Variants in CYP19A1 observed in about 807,000 individuals in gnomAD.
CYP19A1 encodes cytochrome P450 family 19 subfamily A member 1.
Under a neutral mutation model 44.4 loss-of-function variants are expected in CYP19A1, and 32 were observed. The observed-to-expected ratio is 0.72, with a 90% CI of 0.54 to 0.97. The LOEUF is 0.97. CYP19A1 is among the 50% of genes least tolerant of loss of function. CYP19A1 has a pLI of 0.00. For synonymous variants in CYP19A1, 212 were observed against 215.6 expected, an observed-to-expected ratio of 0.98 and a Z score of 0.14; for missense variants, 598 against 637.8, an observed-to-expected ratio of 0.94 and a Z score of 0.67.
At chr15:51,254,648 C>T (rs925766223) in intron 1 of CYP19A1, among the ~76,000 whole-genome samples, 4 of 152,156 alleles carry the variant, frequency 2.6e-5, no homozygotes, top group South Asian at 2.1e-4. Context: ...GATTGACTCT[C>T]TCAATCCAGT....
At chr15:51,250,478 A>G (rs2034263726) in intron 1 of CYP19A1, among the ~76,000 whole-genome samples, 1 of 152,188 alleles carries the variant, frequency 6.6e-6, no homozygotes, top group African/African-American at 2.4e-5. Flanking sequence ...TGCCTGTCTG[A>G]TGGTGCTTCT....
At chr15:51,277,539 G>A (rs1167019319) in intron 1 of CYP19A1, among the ~76,000 whole-genome samples, 1 of 152,100 alleles carries the variant, frequency 6.6e-6, no homozygotes, top group Non-Finnish European at 1.5e-5. Flanking sequence ...AATTGACATT[G>A]GATTAAAAAG....
chr15:51,298,888 G>A (rs1485940894), intron 1 of CYP19A1, among the ~76,000 whole-genome samples: 1 of 151,768 alleles, frequency 6.6e-6, no homozygotes, highest in Non-Finnish European at 1.5e-5. Context: ...TGGGATCACT[G>A]CTTTTCCTTA....
chr15:51,320,038 G>A (rs909989513), intron 1 of CYP19A1, among the ~76,000 whole-genome samples: 17 of 152,214 alleles, frequency 1.1e-4, no homozygotes, highest in African/African-American at 3.6e-4. Flanking sequence ...AACACTAGGA[G>A]ATAGATATCA....
At chr15:51,296,301 G>A (rs1024150973) in intron 1 of CYP19A1, among the ~76,000 whole-genome samples, 6 of 152,144 alleles carry the variant, frequency 3.9e-5, no homozygotes, top group South Asian at 2.1e-4. Context: ...AGACCTGAGG[G>A]AAAGAGAAAG....
chr15:51,250,231 T>C (rs1705246801), intron 1 of CYP19A1, among the ~76,000 whole-genome samples: 1 of 152,214 alleles, frequency 6.6e-6, no homozygotes, highest in Admixed American at 6.5e-5. Context: ...CACATGTGTG[T>C]GAAGACCCAA....
Position 51,234,710 on chromosome 15 carries a change from C to T in CYP19A1, c.296+2149G>A, listed in dbSNP as rs115077585. 5.6e-3 allele frequency among the ~76,000 whole-genome samples: 859 copies of T among 152,252 alleles called. 13 individuals carry two copies. Among genetic ancestry groups the T allele is most frequent in the African/African-American group, 0.02 (819 of 41,544 alleles). The stretch of plus-strand genomic sequence containing the variant: ...GGGAGAGGCCCTCCTGCCCCATGAG[C>T]TTCCTCCTCCACCCTCTCTCTAGAT... On this transcript the variant is annotated intron_variant, in intron 3 of 9. Coordinates refer to ENST00000396402, the MANE Select transcript of CYP19A1 (RefSeq NM_000103.4).
chr15:51,313,650 A>G (rs1232401704), intron 1 of CYP19A1, among the ~76,000 whole-genome samples: 1 of 152,164 alleles, frequency 6.6e-6, no homozygotes, highest in Non-Finnish European at 1.5e-5. Flanking sequence ...TACAAAAATT[A>G]GCTGGGCATG....
chr15:51,242,767 C>T lies in CYP19A1; in HGVS notation c.145+1G>A. ...GATACAGAAATAAATGACTGACTTA[C>T]CTGGTATTGAGGATGTGCCCTCATA... On this transcript the variant is annotated splice_donor_variant, in intron 2 of 9. Transcript: ENST00000396402. LOFTEE classifies it high-confidence loss of function. 1.3e-6 allele frequency: 2 copies of T among 1,533,134 alleles called. No individual in the cohort carries two copies. Among genetic ancestry groups the T allele is most frequent in the Non-Finnish European group, 1.8e-6 (2 of 1,106,282 alleles). The allele number at this position is 1,533,134 out of a possible 1,614,324, so 95.0% of individuals were successfully genotyped here.
intron 4 of CYP19A1, among the ~76,000 whole-genome samples, chr15:51,222,864 G>C (rs1215148425): frequency 6.6e-6 from 1 of 152,092 alleles, no homozygotes; most frequent in African/African-American, 2.4e-5. Flanking sequence ...TCACAAATCA[G>C]TGATTTTTTC....
intron 1 of CYP19A1, among the ~76,000 whole-genome samples, chr15:51,271,378 T>C (rs930553745): frequency 3.3e-5 from 5 of 152,216 alleles, no homozygotes; most frequent in Non-Finnish European, 5.9e-5. Context: ...AAATTTCTAA[T>C]AGTTTAGCAT....
intron 1 of CYP19A1, among the ~76,000 whole-genome samples, chr15:51,319,892 A>C (rs902178339): frequency 3.3e-5 from 5 of 152,212 alleles, no homozygotes; most frequent in Non-Finnish European, 5.9e-5. Flanking sequence ...CTTGTCTGCC[A>C]ATGGAAATTA....
intron 1 of CYP19A1, among the ~76,000 whole-genome samples, chr15:51,282,302 A>C (rs547214652): frequency 1.3e-5 from 2 of 152,340 alleles, no homozygotes; most frequent in South Asian, 4.1e-4. Flanking sequence ...GTCTGACATA[A>C]TGTCCAGGGC....
intron 1 of CYP19A1, among the ~76,000 whole-genome samples, chr15:51,280,616 A>G (rs2035486761): frequency 6.6e-6 from 1 of 152,220 alleles, no homozygotes; most frequent in Non-Finnish European, 1.5e-5. Context: ...GTTCTCATCT[A>G]CATGGGTGGA....
At chr15:51,256,695 C>T (rs947835514) in intron 1 of CYP19A1, among the ~76,000 whole-genome samples, 2 of 152,208 alleles carry the variant, frequency 1.3e-5, no homozygotes, top group Non-Finnish European at 2.9e-5. Context: ...ACCTGCCTCC[C>T]AAGGTTGCTG....
chr15:51,249,996 C>T (rs11636667), intron 1 of CYP19A1, among the ~76,000 whole-genome samples: 56,644 of 152,054 alleles, frequency 0.37, 12,497 homozygotes, highest in Non-Finnish European at 0.5. Flanking sequence ...TAGGAACCAA[C>T]AGGAAAAATG....
In CYP19A1 at chr15:51,294,660, G is replaced by A. The variant is rs375706719; in HGVS notation, c.-39+43835C>T. ...GGGTCAGCCCCCCGCCCGGCCAGCC[G>A]CCCCGTCCGGGAGGGAGGTGGGGGG... On this transcript the variant is annotated intron_variant, in intron 1 of 9. Coordinates refer to ENST00000396402, the MANE Select transcript of CYP19A1 (RefSeq NM_000103.4). Among the ~76,000 whole-genome samples the A allele has an allele frequency of 1.7e-3, 155 of 89,864 alleles. 4 individuals carry two copies. Among genetic ancestry groups the A allele is most frequent in the African/African-American group, 8.1e-3 (82 of 10,168 alleles). The allele number at this position is 89,864 out of a possible 152,430, so 59.0% of individuals were successfully genotyped here.
intron 1 of CYP19A1, among the ~76,000 whole-genome samples, chr15:51,285,927 C>CT (rs2035683443): frequency 1.3e-5 from 2 of 152,176 alleles, no homozygotes. Flanking sequence ...CCCCAACATT[C>CT]TTTTTTTGGT....
chr15:51,270,716 T>C (rs1173888566), intron 1 of CYP19A1, among the ~76,000 whole-genome samples: 1 of 152,234 alleles, frequency 6.6e-6, no homozygotes, highest in Non-Finnish European at 1.5e-5. Flanking sequence ...AGTTGGTTTC[T>C]TTCTGAGGAA....
Sources: gnomAD v4.1 joint callset for allele counts (sites outside exome capture counted in the v4.1 genomes callset) on GRCh38, gnomAD v4.1.1 for gene constraint, MANE v1.5 for transcripts, NCBI Gene and HGNC (gene_info 2026-07-23, HGNC 2026-07-21) for gene names.